HSD17B11: variants seen among roughly 807,000 people sequenced by gnomAD.
HSD17B11 encodes estradiol 17-beta-dehydrogenase 11.
Under a neutral mutation model 27.8 loss-of-function variants are expected in HSD17B11, and 22 were observed. The observed-to-expected ratio is 0.79, with a 90% confidence interval of 0.56 to 1.13. The LOEUF is 1.13. Among genes scored for constraint, HSD17B11 ranks in the 50% most tolerant of loss-of-function variants. The probability of loss-of-function intolerance (pLI) is 0.00; values close to 1 mark genes in which losing one functional copy is unlikely to be tolerated. For missense variants in HSD17B11, 314 were observed against 351.1 expected, an observed-to-expected ratio of 0.89 and a Z score of 0.84; for synonymous variants, 117 against 132.8, an observed-to-expected ratio of 0.88 and a Z score of 0.82.
At chr4:87,380,124 G>A (rs1720098839) in intron 2 of HSD17B11, among the ~76,000 whole-genome samples, 2 of 130,584 alleles carry the variant, frequency 1.5e-5, no homozygotes, top group African/African-American at 2.9e-5. Flanking sequence ...AAAAAAAAAC[G>A]TTCTGATACT....
At chr4:87,390,331 T>G (rs1261125029) in intron 1 of HSD17B11, among the ~76,000 whole-genome samples, 1 of 152,004 alleles carries the variant, frequency 6.6e-6, no homozygotes, top group Non-Finnish European at 1.5e-5. Context: ...TAATTTTTTT[T>G]TGGTATTTTT....
intron 1 of HSD17B11, among the ~76,000 whole-genome samples, 188 bp from the exon 2 acceptor site, chr4:87,382,550 CT>C (rs1720204611): frequency 6.6e-6 from 1 of 152,074 alleles, no homozygotes; most frequent in African/African-American, 2.4e-5. Flanking sequence ...TGACTAGCTT[CT>C]TTTATTTGGA....
intron 4 of HSD17B11, among the ~76,000 whole-genome samples, chr4:87,361,976 G>C (rs537677391): frequency 2.6e-5 from 4 of 152,240 alleles, no homozygotes; most frequent in Admixed American, 2.6e-4. Context: ...ATTTCTGGCA[G>C]ACCATAGAGT....
intron 1 of HSD17B11, among the ~76,000 whole-genome samples, chr4:87,385,389 G>A (rs1720282635): frequency 6.6e-6 from 1 of 152,082 alleles, no homozygotes; most frequent in Non-Finnish European, 1.5e-5. Flanking sequence ...CATAGAGACA[G>A]AAAATAGAAT....
At chr4:87,339,974 G>GT (rs1239610934) in intron 6 of HSD17B11, among the ~76,000 whole-genome samples, 2 of 152,230 alleles carry the variant, frequency 1.3e-5, no homozygotes, top group South Asian at 2.1e-4. Context: ...AGGAGAGTCT[G>GT]TATTTCTAAC....
chr4:87,372,732 C>A lies in HSD17B11; in HGVS notation c.534G>T (p.Ser178=), dbSNP rs114331860. The change falls in exon 4 of 7, where the codon TCG becomes TCT. Residue 178 remains serine (S), a synonymous_variant. Transcript: ENST00000358290. The part of the protein sequence containing the change: ...VTVASAAGHV[S]VPFLLAYCSS... ...ACCAGTAAGCCAGTAAGAAGGGGAC[C>A]GAGACATGTCCAGCTGCCGAAGCCA... 1 of 1,611,680 alleles carries A rather than the reference C, an allele frequency of 6.2e-7. No individual in the cohort carries two copies. The highest frequency in any genetic ancestry group is 2.2e-5 in the East Asian group (1 of 44,870).
chr4:87,389,365 A>C (rs1354659838), intron 1 of HSD17B11, among the ~76,000 whole-genome samples: 1 of 152,026 alleles, frequency 6.6e-6, no homozygotes, highest in East Asian at 1.9e-4. Flanking sequence ...TGGGATTACA[A>C]GTACACGCCA....
intron 2 of HSD17B11, among the ~76,000 whole-genome samples, chr4:87,380,585 G>A (rs1720127370): frequency 6.6e-6 from 1 of 151,742 alleles, no homozygotes; most frequent in Non-Finnish European, 1.5e-5. Flanking sequence ...TGGGCTAGGC[G>A]CGGTGGCTCA....
At chr4:87,344,145 A>C (rs80318174) in intron 5 of HSD17B11, among the ~76,000 whole-genome samples, 15,058 of 152,276 alleles carry the variant, frequency 0.099, 929 homozygotes, top group East Asian at 0.32. Flanking sequence ...TACACTAGAC[A>C]AATGTTACAT....
At chr4:87,347,370 C>T (rs1442953417) in intron 5 of HSD17B11, among the ~76,000 whole-genome samples, 9 of 29,854 alleles carry the variant, frequency 3.0e-4, no homozygotes, top group East Asian at 5.2e-4. Context: ...TGAGAATATG[C>T]GGTGTTTGGT....
At chr4:87,357,211 G>T in intron 5 of HSD17B11, 68 bp downstream of exon 5, 1 of 1,508,382 alleles carries the variant, frequency 6.6e-7, no homozygotes, top group Non-Finnish European at 9.0e-7. Flanking sequence ...AAAACATTTA[G>T]GAAAACCCAC....
intron 2 of HSD17B11, among the ~76,000 whole-genome samples, chr4:87,375,501 G>T (rs1183733858): frequency 6.6e-6 from 1 of 152,164 alleles, no homozygotes; most frequent in Admixed American, 6.5e-5. Flanking sequence ...CAGTATTTTG[G>T]GAGGCCGAGG....
Position 87,390,904 on chromosome 4 carries a change from A to G in HSD17B11, c.167T>C (p.Phe56Ser). ...AACCAGCTTGCTTTTAAGTTTAGCA[A>G]ATTCATAGGCAGTCAGTCTCCCAAT... ...HGIGRLTAYE[F>S]AKLKSKLVLW... The change falls in exon 1 of 7, where the codon TTT becomes TCT. Residue 56 changes from phenylalanine to serine, a missense_variant. Coordinates refer to ENST00000358290, the MANE Select transcript of HSD17B11 (RefSeq NM_016245.5). 6.2e-7 allele frequency: 1 copy of G among 1,614,172 alleles called. No individual in the cohort carries two copies. The highest frequency in any genetic ancestry group is 8.5e-7 in the Non-Finnish European group (1 of 1,180,024).
intron 2 of HSD17B11, among the ~76,000 whole-genome samples, chr4:87,378,939 T>A (rs1208534298): frequency 1.2e-4 from 3 of 24,144 alleles, no homozygotes; most frequent in East Asian, 5.6e-4. Context: ...AATATATATA[T>A]ATATATATTT....
Position 87,374,716 on chromosome 4 carries a change from C to T in HSD17B11, c.433G>A (p.Val145Ile). 1 of 1,605,148 alleles carries T rather than the reference C, an allele frequency of 6.2e-7. No homozygotes were observed. Among genetic ancestry groups the T allele is most frequent in the Non-Finnish European group, 8.5e-7 (1 of 1,177,950 alleles). Residue 145 changes from valine to isoleucine, a missense_variant, in exon 3 of 7, where the codon GTA becomes ATA. Coordinates refer to ENST00000358290, the MANE Select transcript of HSD17B11 (RefSeq NM_016245.5). ...PQIEKTFEVN[V>I]LAHFWTTKAF... ...ATACTCACCCAGAAATGTGCAAGTA[C>T]ATTAACTTCAAAAGTCTTTTCAATC...
chr4:87,377,382 G>A (rs747765313), intron 2 of HSD17B11, among the ~76,000 whole-genome samples: 3 of 151,974 alleles, frequency 2.0e-5, no homozygotes, highest in African/African-American at 4.8e-5. Flanking sequence ...CCCGGGAGGC[G>A]GAGGTTGCAG....
At chr4:87,381,111 C>T (rs1325520948) in intron 2 of HSD17B11, among the ~76,000 whole-genome samples, 4 of 142,020 alleles carry the variant, frequency 2.8e-5, no homozygotes, top group Non-Finnish European at 3.0e-5. Context: ...CTTGTGAACC[C>T]GGGAGGTGGA....
chr4:87,369,741 T>C (rs963315548), intron 4 of HSD17B11, among the ~76,000 whole-genome samples: 1 of 152,184 alleles, frequency 6.6e-6, no homozygotes, highest in Admixed American at 6.5e-5. Context: ...TGGCCCCAGA[T>C]TTTTCTTTTA....
chr4:87,382,670 A>G (rs2110132661), intron 1 of HSD17B11, among the ~76,000 whole-genome samples: 1 of 152,356 alleles, frequency 6.6e-6, no homozygotes, highest in South Asian at 2.1e-4. Flanking sequence ...TGTGTATTCC[A>G]TATCAGGCTT....
Sources: gnomAD v4.1 joint callset for allele counts (sites outside exome capture counted in the v4.1 genomes callset) on GRCh38, gnomAD v4.1.1 for gene constraint, MANE v1.5 for transcripts, NCBI Gene and HGNC (gene_info 2026-07-23, HGNC 2026-07-21) for gene names.